Variants in METAP1D observed in about 807,000 individuals in gnomAD.
METAP1D encodes methionine aminopeptidase 1D, mitochondrial.
A neutral mutation model predicts 40.5 loss-of-function variants in METAP1D; 31 were observed. The observed-to-expected ratio is 0.77, with a 90% confidence interval of 0.58 to 1.03. The LOEUF (loss-of-function observed/expected upper bound fraction) is 1.03, where lower values mean the gene tolerates loss of function less well. Ranked by LOEUF, METAP1D falls within the 50% of genes least tolerant of loss-of-function variation. The probability of loss-of-function intolerance (pLI) is 0.00; values close to 1 mark genes in which losing one functional copy is unlikely to be tolerated. For synonymous variants in METAP1D, 151 were observed against 146.4 expected (o/e 1.03, Z -0.22); for missense variants, 411 against 420.7 (o/e 0.98, Z 0.20).
chr2:172,004,597 T>C (rs1688537213), intron 1 of METAP1D, among the ~76,000 whole-genome samples: 1 of 152,166 alleles, frequency 6.6e-6, no homozygotes, highest in Non-Finnish European at 1.5e-5. Context: ...AGTGCTGGGA[T>C]TATAAGCATG....
intron 2 of METAP1D, 90 bp downstream of exon 2, chr2:172,061,745 T>G (rs954133943): frequency 2.5e-6 from 3 of 1,207,014 alleles, no homozygotes; most frequent in Non-Finnish European, 3.3e-6. Context: ...CTTTGATTTC[T>G]GAGCCATTTG....
Position 172,018,304 on chromosome 2 carries a change from G to A in METAP1D, c.40+18295G>A, listed in dbSNP as rs1334665079. Among the ~76,000 whole-genome samples the A allele has an allele frequency of 3.3e-5, 5 of 152,138 alleles. No individual in the cohort carries two copies. The South Asian group carries it at 8.3e-4, about 25-fold the overall frequency. On this transcript the variant is annotated intron_variant, in intron 1 of 9. Transcript: ENST00000315796. ...TGTAGATTAGGGCATGACCCTATAA[G>A]ATTAGAGAACAGGAGAGGAGACAAC...
rs1689623209 is a variant in METAP1D at position 172,042,825 on chromosome 2, A to ATATGTACACATATACGTGTGTGTGTG, written c.41-18648_41-18647insGTATGTACACATATACGTGTGTGTGT. On this transcript the variant is annotated intron_variant, in intron 1 of 9. Coordinates refer to ENST00000315796, the MANE Select transcript of METAP1D (RefSeq NM_199227.3). Reference sequence around the variant, plus strand: ...TATGTACACATATACGTGTGTGTGTATATGTACACATATACGTGTGTGTGT... The same window carrying ATATGTACACATATACGTGTGTGTGTG: ...TATGTACACATATACGTGTGTGTGTATATGTACACATATACGTGTGTGTGTGTATGTACACATATACGTGTGTGTGT... Among the ~76,000 whole-genome samples the ATATGTACACATATACGTGTGTGTGTG allele has an allele frequency of 3.7e-5, 2 of 54,172 alleles. 1 individual carries two copies. The highest frequency in any genetic ancestry group is 1.2e-4 in the African/African-American group (2 of 17,230). 35.5% of individuals were successfully genotyped at this position (54,172 alleles called of 152,430 possible).
At chr2:172,048,773 C>A (rs1170417168) in intron 1 of METAP1D, among the ~76,000 whole-genome samples, 5 of 152,062 alleles carry the variant, frequency 3.3e-5, no homozygotes, top group African/African-American at 7.2e-5. Flanking sequence ...TTTTACACAT[C>A]AAATATTTTG....
rs1192012005 is a variant in METAP1D at position 172,071,087 on chromosome 2, CAAGTA to C, written c.704+21_704+25del. On this transcript the variant is annotated intron_variant, in intron 6 of 9. Coordinates refer to ENST00000315796, the MANE Select transcript of METAP1D (RefSeq NM_199227.3). ...CACAATCAGGTAAGCCTTACATTGA[CAAGTA>C]AAGGGAGGGTTGGCAAATGGTACAA... 6.3e-7 allele frequency: 1 copy of C among 1,589,144 alleles called. No homozygotes were observed. The highest frequency in any genetic ancestry group is 8.6e-7 in the Non-Finnish European group (1 of 1,167,528).
At chr2:172,017,224 A>C (rs959311470) in intron 1 of METAP1D, among the ~76,000 whole-genome samples, 63 of 138,142 alleles carry the variant, frequency 4.6e-4, no homozygotes, top group African/African-American at 1.7e-3. Flanking sequence ...GTCTTGTTCC[A>C]TGAAAGGTTT....
intron 1 of METAP1D, among the ~76,000 whole-genome samples, chr2:172,055,410 C>T (rs1412502852): frequency 6.6e-6 from 1 of 152,178 alleles, no homozygotes; most frequent in Non-Finnish European, 1.5e-5. Context: ...GTTCGGGTAT[C>T]CTTTCTGTGA....
At chr2:172,001,051 A>G (rs1447241795) in intron 1 of METAP1D, among the ~76,000 whole-genome samples, 1 of 152,198 alleles carries the variant, frequency 6.6e-6, no homozygotes, top group East Asian at 1.9e-4. Flanking sequence ...TTCTCTTTGC[A>G]GAAGGGAAAA....
At chr2:172,006,823 C>A (rs1457232304) in intron 1 of METAP1D, among the ~76,000 whole-genome samples, 1 of 152,180 alleles carries the variant, frequency 6.6e-6, no homozygotes, top group South Asian at 2.1e-4. Flanking sequence ...TTTGCCTCCC[C>A]ACAGGTGGAT....
At chr2:172,075,943 G>C (rs1489292828) in intron 6 of METAP1D, among the ~76,000 whole-genome samples, 1 of 152,122 alleles carries the variant, frequency 6.6e-6, no homozygotes, top group Admixed American at 6.5e-5. Context: ...AGAAGTTCCA[G>C]CAGGACCCAC....
chr2:172,059,388 T>G (rs1253245765), intron 1 of METAP1D, among the ~76,000 whole-genome samples: 2 of 152,180 alleles, frequency 1.3e-5, no homozygotes, highest in Admixed American at 1.3e-4. Context: ...AACCTCATTT[T>G]AAGGACTACT....
At chr2:172,038,685 G>A (rs1689449360) in intron 1 of METAP1D, among the ~76,000 whole-genome samples, 1 of 151,950 alleles carries the variant, frequency 6.6e-6, no homozygotes, top group Non-Finnish European at 1.5e-5. Context: ...AGACTTGTGC[G>A]GCAAAAGGAA....
At chr2:172,046,862 TAA>T (rs1224601829) in intron 1 of METAP1D, among the ~76,000 whole-genome samples, 1 of 152,226 alleles carries the variant, frequency 6.6e-6, no homozygotes, top group East Asian at 1.9e-4. Flanking sequence ...TTGACAGCTT[TAA>T]AAATATTTAA....
intron 5 of METAP1D, 33 bp downstream of exon 5, chr2:172,066,339 C>G (rs1456820544): frequency 6.4e-7 from 1 of 1,560,898 alleles, no homozygotes; most frequent in East Asian, 2.3e-5. Context: ...TGTCTTTGAT[C>G]AACTTCAGAA....
At chr2:172,036,426 C>T (rs13015360) in intron 1 of METAP1D, among the ~76,000 whole-genome samples, 64,378 of 147,150 alleles carry the variant, frequency 0.44, 14,604 homozygotes, top group African/African-American at 0.56. Context: ...AGTGCAGTGG[C>T]GTGATCTTGG....
Position 172,041,726 on chromosome 2 carries a change from T to TTTATATATATATA in METAP1D, c.41-19771_41-19770insTATATATATATAT, listed in dbSNP as rs1273069042. Among the ~76,000 whole-genome samples, 128 of 37,568 alleles carry TTTATATATATATA rather than the reference T, an allele frequency of 3.4e-3. 13 individuals are homozygous for TTTATATATATATA. Among genetic ancestry groups the TTTATATATATATA allele is most frequent in the Non-Finnish European group, 6.9e-3 (107 of 15,592 alleles). 24.6% of individuals were successfully genotyped at this position (37,568 alleles called of 152,430 possible). ...TTTTAATTTCCTTACTCTAATTATTTTATATATATATATATATATATATAT... is the reference window on the plus strand; with the variant it reads ...TTTTAATTTCCTTACTCTAATTATTTTTATATATATATATATATATATATATATATATATATAT... On this transcript the variant is annotated intron_variant, in intron 1 of 9. Coordinates refer to ENST00000315796, the MANE Select transcript of METAP1D (RefSeq NM_199227.3).
intron 6 of METAP1D, among the ~76,000 whole-genome samples, chr2:172,073,391 AAAGAAG>A (rs938530901): frequency 2.0e-5 from 3 of 152,104 alleles, no homozygotes; most frequent in African/African-American, 4.8e-5. Flanking sequence ...ATTAAAAAAA[AAAGAAG>A]AAGAAGAAGA....
chr2:172,078,959 G>T (rs895195472), intron 7 of METAP1D, among the ~76,000 whole-genome samples: 1 of 152,132 alleles, frequency 6.6e-6, no homozygotes, highest in Non-Finnish European at 1.5e-5. Flanking sequence ...CAACCAGGCT[G>T]CCCCTGCCAG....
intron 5 of METAP1D, among the ~76,000 whole-genome samples, chr2:172,069,655 A>G (rs1690374454): frequency 6.6e-6 from 1 of 152,224 alleles, no homozygotes; most frequent in Non-Finnish European, 1.5e-5. Context: ...AAAGGACTGT[A>G]AGTGGGAGTA....
Sources: allele counts gnomAD v4.1 joint callset (sites outside exome capture counted in the v4.1 genomes callset), GRCh38; gene constraint gnomAD v4.1.1; transcripts MANE v1.5; gene names NCBI Gene and HGNC (gene_info 2026-07-23, HGNC 2026-07-21).